The following DRC11L variants were observed in gnomAD, a reference collection of about 807,000 sequenced individuals.
The protein encoded by DRC11L is dynein regulatory complex subunit 11 like, also known as dynein regulatory complex subunit like-11.
At chr7:151,195,607 T>C in the DRC11L span, 1 of 399,786 alleles carries the variant, frequency 2.5e-6, no homozygotes, top group Non-Finnish European at 4.4e-6. Context: ...TCTTCCTCCT[T>C]GTCCACAGCC....
At chr7:151,196,111 C>T in the DRC11L span, 171 of 265,054 alleles carry the variant, frequency 6.5e-4, 1 homozygote, top group Non-Finnish European at 9.3e-5. Context: ...TGGGACACGT[C>T]GTCAGAGGGT....
At chr7:151,203,397 T>G in the DRC11L span, 1 of 399,396 alleles carries the variant, frequency 2.5e-6, no homozygotes, top group Admixed American at 4.4e-5. Flanking sequence ...CCGTTTACCT[T>G]CTGGGAGGAC....
the DRC11L span, among the ~76,000 whole-genome samples, chr7:151,193,813 A>T: frequency 2.0e-5 from 3 of 151,876 alleles, no homozygotes; most frequent in Non-Finnish European, 4.4e-5. Context: ...GAGTGGTGGA[A>T]CTGAAAGGCA....
chr7:151,204,501 A>C, the DRC11L span: 1 of 398,088 alleles, frequency 2.5e-6, no homozygotes, highest in Non-Finnish European at 4.4e-6. Flanking sequence ...GCGGCTGCGC[A>C]CACGTACTGG....
chr7:151,204,826 G>T, the DRC11L span: 14,098 of 399,064 alleles, frequency 0.035, 727 homozygotes, highest in African/African-American at 0.16. Context: ...TCCCAGAGGC[G>T]CTGGTAAGCT....
chr7:151,193,077 G>T, the DRC11L span: 1 of 397,516 alleles, frequency 2.5e-6, no homozygotes, highest in South Asian at 1.4e-4. Flanking sequence ...ACCATGAAAA[G>T]AAACTGCTCT....
chr7:151,193,203 G>C, the DRC11L span: 1 of 398,394 alleles, frequency 2.5e-6, no homozygotes, highest in East Asian at 3.6e-5. Context: ...ATACCCAGTA[G>C]GCTGATGGGT....
At chr7:151,192,771 T>G in the DRC11L span, 4 of 399,200 alleles carry the variant, frequency 1.0e-5, no homozygotes, top group Non-Finnish European at 4.4e-6. Flanking sequence ...GGTCTTCTTA[T>G]AGAAATTCTT....
the DRC11L span, chr7:151,203,418 G>T: frequency 5.0e-6 from 2 of 399,294 alleles, no homozygotes; most frequent in Non-Finnish European, 8.8e-6. Flanking sequence ...ACTGGCTCCA[G>T]TCTGGACAGG....
At chr7:151,197,548 G>A in the DRC11L span, among the ~76,000 whole-genome samples, 1 of 152,170 alleles carries the variant, frequency 6.6e-6, no homozygotes, top group East Asian at 1.9e-4. Context: ...AAGAAGGAGC[G>A]TTCTGGTGAG....
At chr7:151,191,818 G>T in the DRC11L span, 1 of 399,262 alleles carries the variant, frequency 2.5e-6, no homozygotes, top group East Asian at 3.6e-5. Flanking sequence ...CTAGGGCACT[G>T]ATGTCCAGGT....
At chr7:151,197,004 T>C in the DRC11L span, 3 of 399,306 alleles carry the variant, frequency 7.5e-6, no homozygotes, top group Non-Finnish European at 1.3e-5. Flanking sequence ...CCGGCACAGA[T>C]CATAGGGATA....
chr7:151,203,006 G>A, the DRC11L span: 3 of 399,760 alleles, frequency 7.5e-6, no homozygotes, highest in Admixed American at 4.4e-5. Context: ...CGAATCTCTC[G>A]CATGAAGGTG....
chr7:151,202,589 C>G, the DRC11L span, among the ~76,000 whole-genome samples: 3 of 152,150 alleles, frequency 2.0e-5, no homozygotes, highest in Non-Finnish European at 4.4e-5. Context: ...TGGTGGCTCA[C>G]GCCTGTAATC....
chr7:151,203,914 A>G, the DRC11L span, among the ~76,000 whole-genome samples: 1 of 152,184 alleles, frequency 6.6e-6, no homozygotes, highest in East Asian at 1.9e-4. Context: ...ACTTTGAGAT[A>G]GTCTTGGATA....
chr7:151,197,750 C>A, the DRC11L span: 4 of 396,700 alleles, frequency 1.0e-5, no homozygotes, highest in Non-Finnish European at 1.3e-5. Context: ...TACCCCACCC[C>A]ACTCGCTATT....
chr7:151,198,159 T>G, the DRC11L span, among the ~76,000 whole-genome samples: 1 of 138,306 alleles, frequency 7.2e-6, no homozygotes, highest in Non-Finnish European at 1.5e-5. Context: ...GGTAGAAGGG[T>G]GGGTAGATGT....
chr7:151,205,290 G>A, the DRC11L span, among the ~76,000 whole-genome samples: 3 of 152,096 alleles, frequency 2.0e-5, no homozygotes, highest in Non-Finnish European at 1.5e-5. Context: ...ACCATCGGAG[G>A]GAAGTTTCCA....
At chr7:151,203,225 G>A in the DRC11L span, 5 of 398,132 alleles carry the variant, frequency 1.3e-5, no homozygotes, top group Non-Finnish European at 2.2e-5. Context: ...GGGAGGCCAA[G>A]TCTTGTCTTG....
Sources: gnomAD v4.1 joint callset for allele counts (sites outside exome capture counted in the v4.1 genomes callset) on GRCh38, gnomAD v4.1.1 for gene constraint, MANE v1.5 for transcripts, NCBI Gene and HGNC (gene_info 2026-07-23, HGNC 2026-07-21) for gene names.